FBXL7: variants seen among roughly 807,000 people sequenced by gnomAD.
The protein encoded by FBXL7 is F-box/LRR-repeat protein 7.
In FBXL7, 12 loss-of-function variants were observed where a neutral mutation model predicts 38.3. The ratio of observed to expected loss-of-function variants is 0.31; its 90% confidence interval spans 0.20 to 0.51. The LOEUF (loss-of-function observed/expected upper bound fraction) is 0.51. FBXL7 is among the 20% of genes least tolerant of loss of function. FBXL7 has a pLI of 0.98. For missense variants in FBXL7, 567 were observed against 676.4 expected (o/e 0.84, Z 1.79); for synonymous variants, 297 against 300.9 (o/e 0.99, Z 0.13).
intron 2 of FBXL7, among the ~76,000 whole-genome samples, chr5:15,650,481 G>A (rs1301059791): frequency 1.3e-5 from 2 of 152,180 alleles, no homozygotes; most frequent in Admixed American, 6.5e-5. Flanking sequence ...GAAGCTTGGG[G>A]TGGCTGTGGC....
chr5:15,811,270 T>A (rs753041093), intron 2 of FBXL7, among the ~76,000 whole-genome samples: 2 of 152,174 alleles, frequency 1.3e-5, no homozygotes, highest in Non-Finnish European at 2.9e-5. Flanking sequence ...CCACAGATGG[T>A]GTGTTTAAAC....
chr5:15,678,583 T>G (rs1742734932), intron 2 of FBXL7, among the ~76,000 whole-genome samples: 1 of 152,170 alleles, frequency 6.6e-6, no homozygotes, highest in African/African-American at 2.4e-5. Context: ...CCCACCTAAA[T>G]CTCATCTTGA....
chr5:15,707,352 T>C (rs187702053), intron 2 of FBXL7, among the ~76,000 whole-genome samples: 313 of 152,278 alleles, frequency 2.1e-3, no homozygotes, highest in African/African-American at 7.3e-3. Context: ...CATCTTGTTA[T>C]AGGTATCTCT....
At chr5:15,850,425 G>T (rs527260497) in intron 2 of FBXL7, among the ~76,000 whole-genome samples, 2 of 152,284 alleles carry the variant, frequency 1.3e-5, no homozygotes, top group South Asian at 4.2e-4. Flanking sequence ...CACAGCTTCC[G>T]TAGAGAAAGG....
At chr5:15,607,135 G>A (rs1740051613) in intron 1 of FBXL7, 1 of 152,110 alleles carries the variant, frequency 6.6e-6, no homozygotes, top group African/African-American at 2.4e-5. Context: ...ATCTGATTCT[G>A]AGATCTTGAA....
At chr5:15,934,085 A>G (rs971033992) in intron 3 of FBXL7, among the ~76,000 whole-genome samples, 1 of 151,970 alleles carries the variant, frequency 6.6e-6, no homozygotes, top group African/African-American at 2.4e-5. Context: ...ATTTTCTGCA[A>G]CCTCCGCCTC....
At chr5:15,632,058 A>G (rs1274703218) in intron 2 of FBXL7, among the ~76,000 whole-genome samples, 1 of 152,208 alleles carries the variant, frequency 6.6e-6, no homozygotes, top group African/African-American at 2.4e-5. Context: ...ATACAGTAAG[A>G]TCTTTCTGTT....
At chr5:15,515,505 A>G (rs1430047321) in intron 1 of FBXL7, among the ~76,000 whole-genome samples, 1 of 152,202 alleles carries the variant, frequency 6.6e-6, no homozygotes, top group Non-Finnish European at 1.5e-5. Flanking sequence ...TGGAAAACAG[A>G]TACCTCAATC....
chr5:15,917,729 C>T (rs561840087), intron 2 of FBXL7, among the ~76,000 whole-genome samples: 2 of 147,902 alleles, frequency 1.4e-5, no homozygotes, highest in South Asian at 2.2e-4. Flanking sequence ...ACGATGCTAG[C>T]GAAATACTAC....
chr5:15,572,936 C>T (rs1230836843), intron 1 of FBXL7, among the ~76,000 whole-genome samples: 3 of 152,058 alleles, frequency 2.0e-5, no homozygotes, highest in Admixed American at 2.0e-4. Context: ...CAGGTTTACC[C>T]CTGTAAGCGT....
At chr5:15,713,094 A>G (rs1037205112) in intron 2 of FBXL7, among the ~76,000 whole-genome samples, 2 of 152,200 alleles carry the variant, frequency 1.3e-5, no homozygotes, top group African/African-American at 4.8e-5. Flanking sequence ...TTATAAAGAC[A>G]CACCTGAGAC....
chr5:15,727,494 A>G (rs1266713130), intron 2 of FBXL7, among the ~76,000 whole-genome samples: 1 of 152,086 alleles, frequency 6.6e-6, no homozygotes, highest in Non-Finnish European at 1.5e-5. Flanking sequence ...TGGGTTGGCA[A>G]GGTTTTTTTG....
chr5:15,586,554 C>G (rs1380998172), intron 1 of FBXL7, among the ~76,000 whole-genome samples: 1 of 151,954 alleles, frequency 6.6e-6, no homozygotes, highest in African/African-American at 2.4e-5. Context: ...ATGGAGAAAC[C>G]TCTTATTACT....
intron 1 of FBXL7, among the ~76,000 whole-genome samples, chr5:15,508,597 C>T (rs1450699166): frequency 6.6e-6 from 1 of 152,146 alleles, no homozygotes; most frequent in African/African-American, 2.4e-5. Context: ...AGGGGATCAA[C>T]TATCTGACCC....
At chr5:15,751,256 C>CACTT in intron 2 of FBXL7, among the ~76,000 whole-genome samples, 1 of 22,192 alleles carries the variant, frequency 4.5e-5, no homozygotes, top group East Asian at 2.5e-3. Flanking sequence ...AAAAATTTTT[C>CACTT]TTTTCACTTT....
intron 1 of FBXL7, among the ~76,000 whole-genome samples, chr5:15,529,448 C>T (rs1011333711): frequency 6.6e-6 from 1 of 151,806 alleles, no homozygotes; most frequent in East Asian, 1.9e-4. Context: ...TGCAGTGGCG[C>T]GATCTCGGCT....
At chr5:15,646,300 A>G (rs1741532698) in intron 2 of FBXL7, among the ~76,000 whole-genome samples, 1 of 152,164 alleles carries the variant, frequency 6.6e-6, no homozygotes, top group Non-Finnish European at 1.5e-5. Context: ...TTATTTCCCC[A>G]TTTTACAGAT....
chr5:15,737,596 T>C (rs895267748), intron 2 of FBXL7, among the ~76,000 whole-genome samples: 1 of 152,188 alleles, frequency 6.6e-6, no homozygotes, highest in East Asian at 1.9e-4. Context: ...TTTTAAAATG[T>C]ATTTTGTTAA....
chr5:15,579,327 C>T (rs74379988), intron 1 of FBXL7, among the ~76,000 whole-genome samples: 3,751 of 152,190 alleles, frequency 0.025, 157 homozygotes, highest in African/African-American at 0.086. Flanking sequence ...TACTGTTGGG[C>T]TCTGTGAATA....
Sources: allele counts gnomAD v4.1 joint callset (sites outside exome capture counted in the v4.1 genomes callset), GRCh38; gene constraint gnomAD v4.1.1; transcripts MANE v1.5; gene names NCBI Gene and HGNC (gene_info 2026-07-23, HGNC 2026-07-21).